CLVS1: variants seen among roughly 807,000 people sequenced by gnomAD.
CLVS1 encodes the protein clavesin-1.
In CLVS1, 10 loss-of-function variants were observed where a neutral mutation model predicts 33.1. That is an observed-to-expected ratio of 0.30 (90% CI 0.19 to 0.51). The LOEUF (loss-of-function observed/expected upper bound fraction) is 0.51, where lower values mean the gene tolerates loss of function less well. Ranked by LOEUF, CLVS1 falls within the 20% of genes least tolerant of loss-of-function variation. CLVS1 has a pLI of 0.97. For missense variants in CLVS1, 343 were observed against 433.4 expected, an observed-to-expected ratio of 0.79 and a Z score of 1.85; for synonymous variants, 163 against 166.1, an observed-to-expected ratio of 0.98 and a Z score of 0.14.
At chr8:61,431,945 T>C (rs1816130499) in intron 3 of CLVS1, among the ~76,000 whole-genome samples, 1 of 152,234 alleles carries the variant, frequency 6.6e-6, no homozygotes, top group Admixed American at 6.5e-5. Context: ...TTTAGTGAAA[T>C]GTAGAAAATA....
rs73682256 is a variant in CLVS1 at position 61,334,563 on chromosome 8, G to A, written c.455+34281G>A. ...GGTAAATTTAACACTGTCCATATGA[G>A]TAAGCAAGACAGCTATTCCAGGAAA... On this transcript the variant is annotated intron_variant, in intron 2 of 5. Transcript: ENST00000325897. 8.8e-3 allele frequency among the ~76,000 whole-genome samples: 1,341 copies of A among 152,340 alleles called. 7 individuals are homozygous for A. Among genetic ancestry groups the A allele is most frequent in the African/African-American group, 0.029 (1,214 of 41,568 alleles).
intron 5 of CLVS1, among the ~76,000 whole-genome samples, chr8:61,488,367 T>A (rs1227885176): frequency 6.6e-6 from 1 of 152,204 alleles, no homozygotes; most frequent in East Asian, 1.9e-4. Flanking sequence ...CTCTCACACT[T>A]CAAGCTATGA....
At chr8:61,362,563 A>G (rs1482930011) in intron 2 of CLVS1, among the ~76,000 whole-genome samples, 1 of 152,202 alleles carries the variant, frequency 6.6e-6, no homozygotes. Context: ...ATTGCAGGAT[A>G]TTTATAATTA....
intron 2 of CLVS1, among the ~76,000 whole-genome samples, chr8:61,345,638 A>ATG (rs1004446368): frequency 0.15 from 19,771 of 130,332 alleles, 1,684 homozygotes; most frequent in East Asian, 0.44. Flanking sequence ...GTGTGTGTGT[A>ATG]TGTGTGTGTG....
chr8:61,322,386 T>C (rs2129596404), intron 2 of CLVS1, among the ~76,000 whole-genome samples: 1 of 152,282 alleles, frequency 6.6e-6, no homozygotes, highest in South Asian at 2.1e-4. Flanking sequence ...TATAAATTGG[T>C]GTCATCCTTC....
intron 5 of CLVS1, among the ~76,000 whole-genome samples, chr8:61,482,854 C>T (rs1376772541): frequency 2.6e-5 from 4 of 152,178 alleles, no homozygotes; most frequent in South Asian, 4.2e-4. Context: ...GGGTATATAA[C>T]GAAATGAAGG....
At chr8:61,417,635 A>G (rs76555027) in intron 3 of CLVS1, among the ~76,000 whole-genome samples, 26 of 152,354 alleles carry the variant, frequency 1.7e-4, no homozygotes, top group South Asian at 2.1e-4. Context: ...CATAAAATAT[A>G]AAAAGCTATT....
intron 2 of CLVS1, among the ~76,000 whole-genome samples, chr8:61,244,363 A>T (rs941564524): frequency 7.9e-5 from 12 of 152,190 alleles, no homozygotes; most frequent in African/African-American, 2.7e-4. Flanking sequence ...CTCCATAAAA[A>T]AATTATTAGA....
intron 1 of CLVS1, among the ~76,000 whole-genome samples, chr8:61,296,322 A>T (rs1188360801): frequency 6.6e-6 from 1 of 152,212 alleles, no homozygotes; most frequent in Admixed American, 6.5e-5. Flanking sequence ...CATATTATAG[A>T]TTGGAGGCAT....
intron 2 of CLVS1, among the ~76,000 whole-genome samples, chr8:61,280,459 G>A (rs188272594): frequency 6.6e-6 from 1 of 152,148 alleles, no homozygotes; most frequent in Non-Finnish European, 1.5e-5. Context: ...TAGAATAGTG[G>A]TTCAGAGAAT....
At chr8:61,371,655 A>T (rs1813444949) in intron 2 of CLVS1, among the ~76,000 whole-genome samples, 2 of 152,152 alleles carry the variant, frequency 1.3e-5, no homozygotes, top group South Asian at 4.1e-4. Context: ...TCCACTAAAA[A>T]CTCAAAGCAC....
chr8:61,080,907 G>C (rs1316868267), intron 1 of CLVS1, among the ~76,000 whole-genome samples: 1 of 152,122 alleles, frequency 6.6e-6, no homozygotes, highest in Non-Finnish European at 1.5e-5. Context: ...TAAAAGAGGT[G>C]GTGTTTGAAG....
the CLVS1 span, among the ~76,000 whole-genome samples, chr8:60,967,148 A>T: frequency 6.6e-6 from 1 of 152,202 alleles, no homozygotes; most frequent in African/African-American, 2.4e-5. Flanking sequence ...TCAACCATCA[A>T]ATACTCTTTA....
chr8:60,986,894 C>T, the CLVS1 span, among the ~76,000 whole-genome samples: 9 of 152,206 alleles, frequency 5.9e-5, no homozygotes, highest in African/African-American at 1.7e-4. Flanking sequence ...GAATAAGAGG[C>T]ATGACTTGAT....
chr8:61,210,870 T>G (rs2931330), intron 2 of CLVS1, among the ~76,000 whole-genome samples: 9 of 152,012 alleles, frequency 5.9e-5, no homozygotes, highest in African/African-American at 2.2e-4. Flanking sequence ...CAGGGACAGC[T>G]TGTAGAGTAG....
the CLVS1 span, among the ~76,000 whole-genome samples, chr8:60,974,904 A>G: frequency 6.6e-6 from 1 of 152,312 alleles, no homozygotes; most frequent in Non-Finnish European, 1.5e-5. Flanking sequence ...GCTGCACATG[A>G]GGATCAGCTG....
intron 2 of CLVS1, among the ~76,000 whole-genome samples, chr8:61,141,707 G>A (rs189281848): frequency 1.3e-5 from 2 of 152,270 alleles, no homozygotes; most frequent in Admixed American, 6.5e-5. Flanking sequence ...CAGAATATCA[G>A]GATTGGACAA....
the CLVS1 span, among the ~76,000 whole-genome samples, chr8:60,993,112 C>T: frequency 9.9e-5 from 15 of 152,226 alleles, 1 homozygote; most frequent in Admixed American, 9.8e-4. Flanking sequence ...GGGGCTTGTT[C>T]TTGCTTTAAT....
intron 3 of CLVS1, among the ~76,000 whole-genome samples, chr8:61,444,819 G>T (rs1816692763): frequency 6.6e-6 from 1 of 152,212 alleles, no homozygotes; most frequent in Admixed American, 6.5e-5. Context: ...CATTTTGGTG[G>T]ACCCTTGTGG....
Sources: allele counts gnomAD v4.1 joint callset (sites outside exome capture counted in the v4.1 genomes callset), GRCh38; gene constraint gnomAD v4.1.1; transcripts MANE v1.5; gene names NCBI Gene and HGNC (gene_info 2026-07-23, HGNC 2026-07-21).